Variants in PTP4A1 observed in about 807,000 individuals in gnomAD.
PTP4A1 encodes protein tyrosine phosphatase type IVA 1.
A neutral mutation model predicts 20.5 loss-of-function variants in PTP4A1; 9 were observed. That is an observed-to-expected ratio of 0.44 (90% CI 0.26 to 0.77). PTP4A1 has a LOEUF of 0.77. Among genes scored for constraint, PTP4A1 ranks in the 30% least tolerant of loss-of-function variants. PTP4A1 has a pLI of 0.19. For synonymous variants in PTP4A1, 78 were observed against 67.4 expected, an observed-to-expected ratio of 1.16 and a Z score of -0.77; for missense variants, 137 against 218.8, an observed-to-expected ratio of 0.63 and a Z score of 2.36.
upstream of PTP4A1, among the ~76,000 whole-genome samples, chr6:63,517,182 T>C (rs1024147148): frequency 1.3e-5 from 2 of 152,198 alleles, no homozygotes; most frequent in Non-Finnish European, 2.9e-5. Context: ...TATTATGGTC[T>C]AACTATTCAG....
rs1778299464 is a variant in PTP4A1, at chr6:63,582,481, C to G, written c.*2307C>G. 1 of 152,484 alleles carries G rather than the reference C, an allele frequency of 6.6e-6. No homozygotes were observed. Among genetic ancestry groups the G allele is most frequent in the Non-Finnish European group, 1.5e-5 (1 of 68,000 alleles). 9.4% of individuals were successfully genotyped at this position (152,484 alleles called of 1,614,324 possible). ...TGCTTTTTATCCAAATATTTTGTAT[C>G]TTGTAAATATGGCTAATTATAGGAA... On this transcript the variant is annotated 3_prime_UTR_variant, in exon 6 of 6. Transcript: ENST00000626021.
At position 63,522,110 on chromosome 6, in the gene PTP4A1, A is replaced by G. The variant is rs570657869; in HGVS notation, c.-906+284A>G. On this transcript the variant is annotated intron_variant, in intron 1 of 3. Transcript: ENST00000639568. Reference sequence around the variant, plus strand: ...TTGGTAGAACCTTTTGTTAATACATAGGTGAATCCTTGTCTTCCAGATTAG... The same window carrying G: ...TTGGTAGAACCTTTTGTTAATACATGGGTGAATCCTTGTCTTCCAGATTAG... Among the ~76,000 whole-genome samples the G allele has an allele frequency of 1.1e-4, 17 of 152,282 alleles. No individual in the cohort carries two copies. The South Asian group carries it at 1.2e-3, about 11-fold the overall frequency.
At chr6:63,537,468 G>T (rs772371944) in intron 2 of PTP4A1, among the ~76,000 whole-genome samples, 1 of 152,160 alleles carries the variant, frequency 6.6e-6, no homozygotes, top group East Asian at 1.9e-4. Context: ...TGGAAACAGG[G>T]TTTTGGCATC....
upstream of PTP4A1, among the ~76,000 whole-genome samples, chr6:63,568,267 C>T (rs555903106): frequency 6.6e-6 from 1 of 152,256 alleles, no homozygotes; most frequent in African/African-American, 2.4e-5. Flanking sequence ...TCATTTTTAG[C>T]TTTGATTTAA....
chr6:63,543,913 G>A (rs991285074), intron 2 of PTP4A1, among the ~76,000 whole-genome samples: 3 of 152,158 alleles, frequency 2.0e-5, no homozygotes, highest in Admixed American at 6.6e-5. Flanking sequence ...ATAGTCCCTT[G>A]TTATTCTGTT....
intron 2 of PTP4A1, among the ~76,000 whole-genome samples, chr6:63,541,644 T>G (rs947827533): frequency 1.2e-4 from 19 of 152,292 alleles, no homozygotes; most frequent in African/African-American, 4.3e-4. Context: ...TATCACCCCT[T>G]GATTGATGAA....
intron 1 of PTP4A1, among the ~76,000 whole-genome samples, chr6:63,574,786 T>C (rs775156970): frequency 6.6e-6 from 1 of 152,332 alleles, no homozygotes; most frequent in Non-Finnish European, 1.5e-5. Context: ...ATACACTTTT[T>C]ATTCTACGGA....
At chr6:63,543,867 TTTACTCTTCG>T (rs2149485450) in intron 2 of PTP4A1, among the ~76,000 whole-genome samples, 1 of 152,360 alleles carries the variant, frequency 6.6e-6, no homozygotes, top group African/African-American at 2.4e-5. Flanking sequence ...TAGATTTCAT[TTTACTCTTCG>T]TGTTTATTTG....
chr6:63,553,710 A>G (rs948063948), intron 3 of PTP4A1, among the ~76,000 whole-genome samples: 1 of 152,194 alleles, frequency 6.6e-6, no homozygotes, highest in Admixed American at 6.6e-5. Context: ...ATCTTTGTGT[A>G]TAGGAGCAGG....
At position 63,583,265 on chromosome 6, in the gene PTP4A1, A is replaced by C. The variant is rs1002309990; in HGVS notation, c.*3091A>C. ...AAGTTTTAAACAAAATACATGAAGT[A>C]GTGTCTGCCATACATGTTAATATTC... On this transcript the variant is annotated 3_prime_UTR_variant, in exon 6 of 6. Transcript: ENST00000626021. The C allele has an allele frequency of 1.3e-5, 2 of 152,242 alleles. No homozygotes were observed. Among genetic ancestry groups the C allele is most frequent in the Non-Finnish European group, 2.9e-5 (2 of 68,030 alleles). The allele number at this position is 152,242 out of a possible 1,614,324, so 9.4% of individuals were successfully genotyped here.
In PTP4A1 at chr6:63,581,216, A is replaced by T. The variant is rs1190859722; in HGVS notation, c.*1042A>T. 1 of 152,524 alleles carries T rather than the reference A, an allele frequency of 6.6e-6. No homozygotes were observed. The highest frequency in any genetic ancestry group is 1.5e-5 in the Non-Finnish European group (1 of 67,996). The allele number at this position is 152,524 out of a possible 1,614,324, so 9.4% of individuals were successfully genotyped here. On this transcript the variant is annotated 3_prime_UTR_variant, in exon 6 of 6. Coordinates refer to ENST00000626021, the MANE Select transcript of PTP4A1 (RefSeq NM_003463.5). ...TGCTAATGAATTGAGCAGACATCTA[A>T]TATTTTATATGCCTTTTGAGCTGTG... is the stretch of plus-strand genomic sequence containing the variant.
intron 2 of PTP4A1, among the ~76,000 whole-genome samples, chr6:63,577,439 A>C (rs1409241872): frequency 1.3e-5 from 2 of 152,206 alleles, no homozygotes; most frequent in Non-Finnish European, 2.9e-5. Flanking sequence ...GCCTCTTTTT[A>C]CTAGGAGAAA....
Position 63,580,404 on chromosome 6 carries a change from G to T in PTP4A1, c.*230G>T. ...TTCTTGCTGTCAGCATATAAAATGT[G>T]CTTGTCATTTGTATCAATTGACCTT... On this transcript the variant is annotated 3_prime_UTR_variant, in exon 6 of 6. Coordinates refer to ENST00000626021, the MANE Select transcript of PTP4A1 (RefSeq NM_003463.5). 1 of 456,694 alleles carries T rather than the reference G, an allele frequency of 2.2e-6. No individual in the cohort carries two copies. The highest frequency in any genetic ancestry group is 4.0e-6 in the Non-Finnish European group (1 of 251,896). The allele number at this position is 456,694 out of a possible 1,614,324, so 28.3% of individuals were successfully genotyped here. A position where few individuals can be genotyped will look rare whatever the true frequency, so the allele number is the denominator to read the frequency against.
chr6:63,518,154 CAAAA>C (rs60368385), upstream of PTP4A1, among the ~76,000 whole-genome samples: 1 of 62,112 alleles, frequency 1.6e-5, no homozygotes, highest in Non-Finnish European at 3.8e-5. Flanking sequence ...ACTCCGTCTC[CAAAA>C]AAAAAAAAAA....
At chr6:63,529,516 C>T (rs1775360506) in intron 2 of PTP4A1, among the ~76,000 whole-genome samples, 1 of 152,126 alleles carries the variant, frequency 6.6e-6, no homozygotes, top group Non-Finnish European at 1.5e-5. Flanking sequence ...TTTCTAACAA[C>T]CTAGCCTTCC....
At chr6:63,537,995 C>A (rs1235516692) in intron 2 of PTP4A1, among the ~76,000 whole-genome samples, 1 of 152,188 alleles carries the variant, frequency 6.6e-6, no homozygotes, top group Non-Finnish European at 1.5e-5. Context: ...CAGAGTTTAC[C>A]TGAGGCCAGT....
intron 1 of PTP4A1, among the ~76,000 whole-genome samples, chr6:63,574,246 C>T (rs1369353712): frequency 6.6e-6 from 1 of 152,190 alleles, no homozygotes; most frequent in Non-Finnish European, 1.5e-5. Context: ...AAAGGAGTTA[C>T]ACACATTAAT....
intron 1 of PTP4A1, chr6:63,573,517 C>A (rs1172899930): frequency 6.6e-6 from 1 of 152,348 alleles, no homozygotes; most frequent in East Asian, 1.9e-4. Context: ...GCGCAGCGGG[C>A]GTGCTCGGGC....
chr6:63,566,401 AG>A (rs1282594278), intron 3 of PTP4A1, among the ~76,000 whole-genome samples: 2 of 152,174 alleles, frequency 1.3e-5, no homozygotes, highest in South Asian at 2.1e-4. Flanking sequence ...GGTCGGGGTC[AG>A]TTTCTTTCCA....
Sources: gnomAD v4.1 joint callset for allele counts (sites outside exome capture counted in the v4.1 genomes callset) on GRCh38, gnomAD v4.1.1 for gene constraint, MANE v1.5 for transcripts, NCBI Gene and HGNC (gene_info 2026-07-23, HGNC 2026-07-21) for gene names.